The following POLRMT variants were observed in gnomAD, a reference collection of about 807,000 sequenced individuals.
POLRMT encodes the protein DNA-directed RNA polymerase, mitochondrial.
Under a neutral mutation model 132.2 loss-of-function variants are expected in POLRMT, and 114 were observed. The observed-to-expected ratio is 0.86, with a 90% CI of 0.74 to 1.01. The LOEUF (loss-of-function observed/expected upper bound fraction) is 1.01, where lower values mean the gene tolerates loss of function less well. Ranked by LOEUF, POLRMT falls within the 50% of genes least tolerant of loss-of-function variation. POLRMT has a pLI of 0.00. For missense variants in POLRMT, 2,003 were observed against 1,729.1 expected (o/e 1.16, Z -2.81); for synonymous variants, 1,020 against 773.4 (o/e 1.32, Z -5.29).
At chr19:627,102 CAT>C (rs1272003097) in intron 3 of POLRMT, among the ~76,000 whole-genome samples, 1 of 150,154 alleles carries the variant, frequency 6.7e-6, no homozygotes, top group African/African-American at 2.4e-5. Flanking sequence ...CATGCTGTGA[CAT>C]GAGGTGGCCA....
Position 619,963 on chromosome 19 carries a change from C to T in POLRMT, c.2881G>A (p.Ala961Thr), listed in dbSNP as rs1568164604. The change falls in exon 12 of 21, where the codon GCG becomes ACG. Residue 961 changes from alanine to threonine, a missense_variant. Physicochemically the swap from Ala to Thr is moderately conservative, Grantham distance 58. Coordinates refer to ENST00000588649, the MANE Select transcript of POLRMT (RefSeq NM_005035.4). ...VPQDVYSGVA[A>T]QVEVFRRQDA... ...GGCAGCAGGGCACACCCTACCTGCG[C>T]GGCCACGCCGCTGTACACGTCCTGC... 9 of 1,601,414 alleles carry T rather than the reference C, an allele frequency of 5.6e-6. No homozygotes were observed. The highest frequency in any genetic ancestry group is 3.4e-5 in the Admixed American group (2 of 59,406).
chr19:621,420 G>GGC lies in POLRMT; in HGVS notation c.2276_2277dup (p.Arg760AlafsTer93), dbSNP rs1367024627. 6.7e-7 allele frequency: 1 copy of GGC among 1,486,184 alleles called. No individual in the cohort carries two copies. Among genetic ancestry groups the GGC allele is most frequent in the East Asian group, 2.7e-5 (1 of 37,100 alleles). The allele number at this position is 1,486,184 out of a possible 1,614,324, so 92.1% of individuals were successfully genotyped here. A position where few individuals can be genotyped will look rare whatever the true frequency, so the allele number is the denominator to read the frequency against. On this transcript the variant is annotated frameshift_variant, in exon 10 of 21. Coordinates refer to ENST00000588649, the MANE Select transcript of POLRMT (RefSeq NM_005035.4). LOFTEE classifies it high-confidence loss of function. The stretch of plus-strand genomic sequence containing the variant: ...ACCTTCTGGCAGTGCGCCAGCTCAC[G>GGC]GCGCAGCTCGGCCTTGCGGGCGGGC...
In POLRMT at chr19:621,104, T is replaced by A. The variant is rs1984539443; in HGVS notation, c.2594A>T (p.Glu865Val). The A allele has an allele frequency of 6.2e-7, 1 of 1,608,418 alleles. No individual in the cohort carries two copies. Among genetic ancestry groups the A allele is most frequent in the South Asian group, 1.1e-5 (1 of 90,902 alleles). The change falls in exon 10 of 21, where the codon GAG (glutamate) becomes GTG (valine). Residue 865 changes from glutamate (E) to valine (V), a missense_variant. Transcript: ENST00000588649. ...EPLRKRLAFA[E>V]EVMDDILDSA... ...GTCCAGGATGTCATCCATCACCTCC[T>A]CCGCAAAGGCCAGGCGCTTCCGCAG...
At chr19:623,884 G>A (rs41547915) in intron 5 of POLRMT, among the ~76,000 whole-genome samples, 3,411 of 152,254 alleles carry the variant, frequency 0.022, 130 homozygotes, top group African/African-American at 0.077. Context: ...TGGGGAGACC[G>A]TTCACTGCAC....
rs757728566 is a variant in POLRMT at position 617,267 on chromosome 19, C to G, written c.*7G>C. 27 of 1,612,592 alleles carry G rather than the reference C, an allele frequency of 1.7e-5. No homozygotes were observed. The African/African-American group carries it at 2.4e-4, about 14-fold the overall frequency. The stretch of plus-strand genomic sequence containing the variant: ...TTTATTTACACACTGACAAGGCTCA[C>G]GGGGTGTCAGCTGAAGAAGTAGGTG... On this transcript the variant is annotated 3_prime_UTR_variant, in exon 21 of 21. Transcript: ENST00000588649.
At chr19:623,755 G>A in intron 5 of POLRMT, 152 bp from the exon 6 acceptor site, 3 of 977,344 alleles carry the variant, frequency 3.1e-6, no homozygotes, top group Non-Finnish European at 3.0e-6. Context: ...TGCGGGTAAA[G>A]TCAGTGCCAG....
chr19:627,611 A>G (rs567905230), intron 3 of POLRMT, among the ~76,000 whole-genome samples: 2 of 151,958 alleles, frequency 1.3e-5, no homozygotes, highest in Non-Finnish European at 2.9e-5. Flanking sequence ...CATCATAGAA[A>G]GTTCTACTGG....
chr19:617,538 A>T (rs759598352), intron 19 of POLRMT, 32 bp downstream of exon 19: 1 of 1,608,870 alleles, frequency 6.2e-7, no homozygotes, highest in East Asian at 2.2e-5. Context: ...TGGGGGGGGA[A>T]TCCAGGTAGT....
rs1363815639 is a variant in POLRMT, at chr19:621,530, G to A, written c.2168C>T (p.Ala723Val). 2.0e-4 allele frequency: 278 copies of A among 1,402,694 alleles called. 4 individuals are homozygous for A. The East Asian group carries it at 8.0e-3, about 41-fold the overall frequency. 86.9% of individuals were successfully genotyped at this position (1,402,694 alleles called of 1,614,324 possible). The change falls in exon 10 of 21, where the codon GCC becomes GTC. Residue 723 changes from alanine (A) to valine (V), a missense_variant. Transcript: ENST00000588649. ...CACGCCTAGCTGGGGGCAGCCCTTG[G>A]CCTGGAAGAGCTGCAGCACCAGGTC... The part of the protein sequence containing the change: ...VLDLVLQLFQ[A>V]KGCPQLGVPA...
In POLRMT at chr19:622,207, C is replaced by T. The variant is rs61745193; in HGVS notation, c.1793G>A (p.Arg598His). The T allele has an allele frequency of 0.017, 26,263 of 1,582,758 alleles. 259 individuals are homozygous for T. The highest frequency in any genetic ancestry group is 0.019 in the Non-Finnish European group (22,131 of 1,166,068). The change falls in exon 9 of 21, where the codon CGT becomes CAT. Residue 598 changes from arginine (R) to histidine (H), a missense_variant. Physicochemically the swap from Arg to His is conservative, Grantham distance 29 (BLOSUM62 0). Transcript: ENST00000588649. Reference sequence around the variant, plus strand: ...GAGCACGGGGACAAGCCGAGAGGAACGATGCGGCTTGTCCAGGCTGCATGG... The same window carrying T: ...GAGCACGGGGACAAGCCGAGAGGAATGATGCGGCTTGTCCAGGCTGCATGG... ...QMPCSLDKPH[R>H]SSRLVPVLYH...
intron 3 of POLRMT, among the ~76,000 whole-genome samples, chr19:628,500 A>C (rs1478310678): frequency 6.6e-6 from 1 of 152,216 alleles, no homozygotes; most frequent in Non-Finnish European, 1.5e-5. Context: ...ATAAAGAAGC[A>C]CATCAAGTTC....
chr19:624,185 G>A (rs1488584833), intron 5 of POLRMT, among the ~76,000 whole-genome samples: 1 of 152,210 alleles, frequency 6.6e-6, no homozygotes, highest in Admixed American at 6.5e-5. Context: ...CCATGAGGAC[G>A]TCACGCTCAG....
intron 2 of POLRMT, among the ~76,000 whole-genome samples, chr19:631,496 G>A (rs1247966720): frequency 6.6e-6 from 1 of 151,920 alleles, no homozygotes; most frequent in Non-Finnish European, 1.5e-5. Flanking sequence ...AAAATTAACC[G>A]GGCGTGGTGG....
At chr19:623,327 T>C in intron 6 of POLRMT, 127 bp downstream of exon 6, 1 of 1,455,220 alleles carries the variant, frequency 6.9e-7, no homozygotes, top group Non-Finnish European at 9.1e-7. Context: ...GCTCAGCCCC[T>C]GCGGCGGACA....
intron 19 of POLRMT, 34 bp downstream of exon 19, chr19:617,536 G>C (rs561702102): frequency 1.1e-5 from 17 of 1,603,512 alleles, no homozygotes; most frequent in South Asian, 9.9e-5. Context: ...GGTGGGGGGG[G>C]AATCCAGGTA....
chr19:618,698 C>G lies in POLRMT; in HGVS notation c.3323+7G>C, dbSNP rs115969318. On this transcript the variant is annotated splice_region_variant and intron_variant, in intron 16 of 20. Transcript: ENST00000588649. ...CGGCCAGGCCCCAGCCCGGGCCCCC[C>G]ACTCACCGGCTGATGTCTCCGTTGT... 3.1e-6 allele frequency: 5 copies of G among 1,606,720 alleles called. No homozygotes were observed. Among genetic ancestry groups the G allele is most frequent in the Non-Finnish European group, 3.4e-6 (4 of 1,176,864 alleles).
chr19:632,794 G>T (rs1044861178), intron 2 of POLRMT, 40 bp downstream of exon 2: 28 of 1,485,832 alleles, frequency 1.9e-5, no homozygotes, highest in Admixed American at 1.2e-4. Flanking sequence ...AGCAGGGAGC[G>T]GACTCTCCTC....
chr19:619,319 G>GC, intron 13 of POLRMT, 23 bp from the exon 14 acceptor site: 2 of 1,605,994 alleles, frequency 1.2e-6, no homozygotes, highest in Non-Finnish European at 1.7e-6. Context: ...GGCAGCAGGT[G>GC]CAGGTCCTCA....
intron 13 of POLRMT, 60 bp from the exon 14 acceptor site, chr19:619,356 C>G: frequency 6.4e-7 from 1 of 1,552,840 alleles, no homozygotes; most frequent in East Asian, 2.2e-5. Context: ...CGCCCTACTC[C>G]CCCCTATTTC....
Sources: allele counts gnomAD v4.1 joint callset (sites outside exome capture counted in the v4.1 genomes callset), GRCh38; gene constraint gnomAD v4.1.1; transcripts MANE v1.5; gene names NCBI Gene and HGNC (gene_info 2026-07-23, HGNC 2026-07-21).